SAMMSON: variants seen among roughly 807,000 people sequenced by gnomAD.
The protein encoded by SAMMSON is long intergenic non-protein coding RNA 1212.
intron 6 of SAMMSON, among the ~76,000 whole-genome samples, chr3:70,282,894 T>A (rs190572856): frequency 1.5e-3 from 232 of 152,280 alleles, no homozygotes; most frequent in African/African-American, 5.3e-3. Context: ...TCTGCCAACA[T>A]TCTCTCCCCA....
chr3:70,246,874 T>A (rs143851163), intron 4 of SAMMSON, among the ~76,000 whole-genome samples: 1 of 152,062 alleles, frequency 6.6e-6, no homozygotes, highest in Admixed American at 6.6e-5. Flanking sequence ...GTAAATATGT[T>A]TTCTTCTTCA....
At chr3:70,367,927 T>C (rs1344378966) in intron 9 of SAMMSON, among the ~76,000 whole-genome samples, 2 of 151,332 alleles carry the variant, frequency 1.3e-5, no homozygotes, top group Non-Finnish European at 3.0e-5. Flanking sequence ...TTCTTTTGTC[T>C]ATTTGGTAAT....
intron 4 of SAMMSON, among the ~76,000 whole-genome samples, chr3:70,212,367 G>A (rs1224064032): frequency 6.6e-6 from 1 of 152,030 alleles, no homozygotes; most frequent in Non-Finnish European, 1.5e-5. Context: ...TCCCCAAACT[G>A]GAATAACTCT....
At chr3:70,281,684 A>G (rs939864) in intron 6 of SAMMSON, among the ~76,000 whole-genome samples, 31,579 of 152,052 alleles carry the variant, frequency 0.21, 3,486 homozygotes, top group South Asian at 0.28. Flanking sequence ...AGGAATCCTC[A>G]CCATCATTGC....
intron 4 of SAMMSON, among the ~76,000 whole-genome samples, chr3:70,226,451 T>C (rs1196535222): frequency 6.6e-6 from 1 of 152,120 alleles, no homozygotes; most frequent in Non-Finnish European, 1.5e-5. Flanking sequence ...AAAATTAGTG[T>C]TCAAGGCTGG....
chr3:70,404,794 C>T (rs1223954113), intron 2 of SAMMSON, among the ~76,000 whole-genome samples: 1 of 152,150 alleles, frequency 6.6e-6, no homozygotes, highest in East Asian at 1.9e-4. Flanking sequence ...TGTATTTCTA[C>T]ACTGCAAAGC....
chr3:70,154,796 T>C (rs928732005), intron 4 of SAMMSON, among the ~76,000 whole-genome samples: 37 of 152,062 alleles, frequency 2.4e-4, no homozygotes, highest in African/African-American at 2.4e-5. Context: ...TGGAATCTTA[T>C]GGTAGGCCAT....
At chr3:70,310,598 G>A (rs543912561) in intron 7 of SAMMSON, among the ~76,000 whole-genome samples, 3 of 151,822 alleles carry the variant, frequency 2.0e-5, no homozygotes, top group East Asian at 1.9e-4. Flanking sequence ...TCTCCTGACC[G>A]CAAGTGATCC....
intron 1 of SAMMSON, among the ~76,000 whole-genome samples, chr3:70,002,857 G>T (rs902949962): frequency 6.6e-6 from 1 of 151,996 alleles, no homozygotes; most frequent in South Asian, 2.1e-4. Flanking sequence ...CTATGTACTT[G>T]CTTTGAATTG....
intron 4 of SAMMSON, among the ~76,000 whole-genome samples, chr3:70,143,125 A>G (rs982305438): frequency 6.6e-6 from 1 of 151,990 alleles, no homozygotes; most frequent in African/African-American, 2.4e-5. Context: ...TGCTTTCCCA[A>G]CTCCAAGCCC....
intron 7 of SAMMSON, among the ~76,000 whole-genome samples, chr3:70,303,637 A>G (rs907925820): frequency 6.6e-6 from 1 of 152,086 alleles, no homozygotes; most frequent in African/African-American, 2.4e-5. Flanking sequence ...CCCTTTTAAT[A>G]TTGCTGAATT....
intron 6 of SAMMSON, among the ~76,000 whole-genome samples, chr3:70,274,523 A>C (rs913979401): frequency 6.6e-6 from 1 of 152,188 alleles, no homozygotes; most frequent in African/African-American, 2.4e-5. Context: ...GAAACTTCCA[A>C]ATTGAACAGA....
intron 7 of SAMMSON, among the ~76,000 whole-genome samples, chr3:70,348,990 T>C (rs763791846): frequency 2.6e-5 from 4 of 152,154 alleles, no homozygotes; most frequent in Non-Finnish European, 4.4e-5. Context: ...CAAACATTTT[T>C]TCCCAAGATG....
At chr3:70,065,580 G>A (rs2067206583) in intron 3 of SAMMSON, among the ~76,000 whole-genome samples, 1 of 152,054 alleles carries the variant, frequency 6.6e-6, no homozygotes, top group Non-Finnish European at 1.5e-5. Context: ...GCCTCTTTCA[G>A]AAGTATCCAC....
At chr3:70,234,764 C>T (rs1018008740) in intron 4 of SAMMSON, among the ~76,000 whole-genome samples, 12 of 152,216 alleles carry the variant, frequency 7.9e-5, no homozygotes, top group African/African-American at 1.9e-4. Context: ...TTTTCTATTT[C>T]GTCCCTCACT....
chr3:70,408,000 G>T (rs564316309), intron 2 of SAMMSON, among the ~76,000 whole-genome samples: 1 of 152,206 alleles, frequency 6.6e-6, no homozygotes, highest in African/African-American at 2.4e-5. Context: ...CTGTGAACTC[G>T]CAGGCTCACC....
intron 6 of SAMMSON, among the ~76,000 whole-genome samples, chr3:70,273,820 C>T (rs1482047157): frequency 1.3e-5 from 2 of 151,856 alleles, no homozygotes; most frequent in East Asian, 1.9e-4. Flanking sequence ...TTTGTTTTTC[C>T]AAGGCAGAGT....
intron 2 of SAMMSON, among the ~76,000 whole-genome samples, chr3:70,410,739 T>C (rs1427215224): frequency 6.6e-6 from 1 of 152,160 alleles, no homozygotes; most frequent in African/African-American, 2.4e-5. Flanking sequence ...ACTTAAGAAA[T>C]TATAATTTAA....
At chr3:70,357,648 G>C (rs557608971) in intron 8 of SAMMSON, among the ~76,000 whole-genome samples, 1 of 151,782 alleles carries the variant, frequency 6.6e-6, no homozygotes, top group Non-Finnish European at 1.5e-5. Flanking sequence ...AAACCACCAT[G>C]GCACATGTAT....
Sources: allele counts gnomAD v4.1 joint callset (sites outside exome capture counted in the v4.1 genomes callset), GRCh38; gene constraint gnomAD v4.1.1; transcripts MANE v1.5; gene names NCBI Gene and HGNC (gene_info 2026-07-23, HGNC 2026-07-21).